The following DOCK1 variants were observed in gnomAD, a reference collection of about 807,000 sequenced individuals.
DOCK1 encodes the protein dedicator of cytokinesis protein 1.
DOCK1 carries 138 observed loss-of-function variants against 262.7 expected under a neutral mutation model. The observed-to-expected ratio is 0.53, with a 90% confidence interval of 0.46 to 0.61. The LOEUF is 0.61. Ranked by LOEUF, DOCK1 falls within the 20% of genes least tolerant of loss-of-function variation. The pLI, the probability that DOCK1 is intolerant of heterozygous loss-of-function variation, is 0.00. For missense variants in DOCK1, 1,908 were observed against 2,370.7 expected (o/e 0.80, Z 4.05); for synonymous variants, 866 against 867.4 (o/e 1.00, Z 0.03).
At chr10:127,343,797 T>C in intron 31 of DOCK1, 51 bp downstream of exon 31, 1 of 1,393,702 alleles carries the variant, frequency 7.2e-7, no homozygotes, top group African/African-American at 1.4e-5. Context: ...CCAACTCTAA[T>C]CGCATAATTT....
At chr10:127,102,934 G>A (rs1490537252) in intron 23 of DOCK1, among the ~76,000 whole-genome samples, 4 of 152,110 alleles carry the variant, frequency 2.6e-5, no homozygotes, top group East Asian at 1.9e-4. Context: ...TTCATCCCAC[G>A]GGAGGGCCCC....
chr10:126,931,760 C>G (rs1456055315), intron 1 of DOCK1, among the ~76,000 whole-genome samples: 1 of 152,068 alleles, frequency 6.6e-6, no homozygotes, highest in Non-Finnish European at 1.5e-5. Flanking sequence ...TTCCAGGAAC[C>G]AATGTGTCTT....
intron 1 of DOCK1, among the ~76,000 whole-genome samples, chr10:126,963,139 G>T (rs1027010206): frequency 6.6e-6 from 1 of 152,160 alleles, no homozygotes; most frequent in African/African-American, 2.4e-5. Context: ...TTTGTAGTAG[G>T]TATTGAAATC....
rs139650639 is a variant in DOCK1 at position 127,129,051 on chromosome 10, G to C, written c.2847+1287G>C. On this transcript the variant is annotated intron_variant, in intron 27 of 51. Transcript: ENST00000623213. ...TGCATATCTGGGGTGTGAACAGGGA[G>C]GTGATGTGCGTCTTCTTGGACAGCA... Among the ~76,000 whole-genome samples, 218 of 152,258 alleles carry C rather than the reference G, an allele frequency of 1.4e-3. 1 individual carries two copies. In the Middle Eastern group the frequency reaches 0.02, roughly 14 times the overall value.
At chr10:127,108,646 TC>T (rs1407472686) in intron 24 of DOCK1, among the ~76,000 whole-genome samples, 2 of 152,142 alleles carry the variant, frequency 1.3e-5, no homozygotes, top group East Asian at 3.9e-4. Flanking sequence ...TAAGACATCT[TC>T]CTCTCCCATG....
chr10:127,007,933 T>C lies in DOCK1; in HGVS notation c.986-799T>C, dbSNP rs1302720181. On this transcript the variant is annotated intron_variant, in intron 10 of 51. Transcript: ENST00000623213. ...CATGTGGTGGGTGCTTGGTAAATGG[T>C]AGCTACTTGTTGGCTTAATTGTTTG... is the stretch of plus-strand genomic sequence containing the variant. Among the ~76,000 whole-genome samples the C allele has an allele frequency of 5.3e-5, 8 of 152,284 alleles. No individual in the cohort carries two copies. In the East Asian group the frequency reaches 9.7e-4, roughly 18 times the overall value.
intron 32 of DOCK1, among the ~76,000 whole-genome samples, chr10:127,359,905 A>G (rs1245772157): frequency 6.6e-6 from 1 of 152,212 alleles, no homozygotes; most frequent in Non-Finnish European, 1.5e-5. Flanking sequence ...TTCGGGATAC[A>G]TTGCTGGTGT....
intron 29 of DOCK1, among the ~76,000 whole-genome samples, chr10:127,321,077 C>T (rs2766040): frequency 2.2e-3 from 334 of 152,278 alleles, no homozygotes; most frequent in African/African-American, 7.6e-3. Flanking sequence ...TACCGCCCTC[C>T]CCAGTCTCAG....
chr10:127,043,513 T>A (rs1404692417), intron 21 of DOCK1, among the ~76,000 whole-genome samples: 1 of 152,254 alleles, frequency 6.6e-6, no homozygotes, highest in Non-Finnish European at 1.5e-5. Context: ...TAAATGCATG[T>A]GTTCCCGTGT....
intron 21 of DOCK1, among the ~76,000 whole-genome samples, chr10:127,052,116 G>C (rs1014506991): frequency 2.6e-5 from 4 of 152,190 alleles, no homozygotes; most frequent in African/African-American, 9.7e-5. Flanking sequence ...TGCTGTGAAG[G>C]CTAAGTTAGA....
intron 51 of DOCK1, among the ~76,000 whole-genome samples, chr10:127,450,285 G>A (rs2070869981): frequency 1.3e-5 from 2 of 152,186 alleles, no homozygotes; most frequent in African/African-American, 2.4e-5. Context: ...CTGCGTCACT[G>A]TCTATCCTTG....
At chr10:127,349,906 G>T (rs1344903500) in intron 31 of DOCK1, among the ~76,000 whole-genome samples, 4 of 151,984 alleles carry the variant, frequency 2.6e-5, no homozygotes, top group Non-Finnish European at 5.9e-5. Flanking sequence ...GAGGTCACTG[G>T]ATCTAGAGGC....
chr10:127,263,029 G>A (rs954390056), intron 29 of DOCK1, among the ~76,000 whole-genome samples: 1 of 152,198 alleles, frequency 6.6e-6, no homozygotes, highest in Non-Finnish European at 1.5e-5. Context: ...TTGGTCTTAA[G>A]TAGGTCTCCT....
chr10:127,005,056 G>T (rs1193861659), intron 10 of DOCK1, among the ~76,000 whole-genome samples: 3 of 151,966 alleles, frequency 2.0e-5, no homozygotes, highest in Non-Finnish European at 4.4e-5. Context: ...AGGATACTTG[G>T]TCGGGTGCAG....
intron 22 of DOCK1, among the ~76,000 whole-genome samples, chr10:127,057,395 T>A (rs921549713): frequency 3.3e-5 from 5 of 152,248 alleles, no homozygotes; most frequent in African/African-American, 1.2e-4. Context: ...TAATTGACAG[T>A]AATTATTCTT....
At chr10:126,957,467 C>G (rs2036841700) in intron 1 of DOCK1, among the ~76,000 whole-genome samples, 1 of 152,112 alleles carries the variant, frequency 6.6e-6, no homozygotes, top group Non-Finnish European at 1.5e-5. Context: ...TCAATCCAGC[C>G]TTATTTATTT....
intron 47 of DOCK1, among the ~76,000 whole-genome samples, chr10:127,430,622 C>T (rs1312471423): frequency 6.6e-6 from 1 of 151,786 alleles, no homozygotes; most frequent in Middle Eastern, 3.2e-3. Context: ...CCCTCCTCCC[C>T]CACCTGCTCT....
At chr10:127,084,908 C>A (rs1460214342) in intron 23 of DOCK1, among the ~76,000 whole-genome samples, 1 of 152,166 alleles carries the variant, frequency 6.6e-6, no homozygotes, top group African/African-American at 2.4e-5. Context: ...GAGCCCAGGG[C>A]AGCTACTGTG....
chr10:127,120,682 G>C (rs560531713), intron 25 of DOCK1, among the ~76,000 whole-genome samples: 1 of 152,152 alleles, frequency 6.6e-6, no homozygotes, highest in East Asian at 1.9e-4. Context: ...CCAAACATTG[G>C]TTTCTAACAA....
Sources: allele counts gnomAD v4.1 joint callset (sites outside exome capture counted in the v4.1 genomes callset), GRCh38; gene constraint gnomAD v4.1.1; transcripts MANE v1.5; gene names NCBI Gene and HGNC (gene_info 2026-07-23, HGNC 2026-07-21).